The following CDH13 variants were observed in gnomAD, a reference collection of about 807,000 sequenced individuals.
The protein encoded by CDH13 is cadherin-13.
In CDH13, 24 loss-of-function variants were observed where a neutral mutation model predicts 63.8. That is an observed-to-expected ratio of 0.38 (90% CI 0.27 to 0.53). The LOEUF is 0.53. Ranked by LOEUF, CDH13 falls within the 20% of genes least tolerant of loss-of-function variation. The probability of loss-of-function intolerance (pLI) is 0.85; values close to 1 mark genes in which losing one functional copy is unlikely to be tolerated. For synonymous variants in CDH13, 503 were observed against 355.3 expected (o/e 1.42, Z -4.67); for missense variants, 1,049 against 903.1 (o/e 1.16, Z -2.07).
In CDH13 at chr16:83,324,132, G is replaced by C. The variant is rs553837617; in HGVS notation, c.637-20730G>C. On this transcript the variant is annotated intron_variant, in intron 5 of 13. Coordinates refer to ENST00000567109, the MANE Select transcript of CDH13 (RefSeq NM_001257.5). ...GGGTCACTGCAACCTCCACCTCCCA[G>C]GTTCAAGTAGTTCCTTGCCTCAGCC... Among the ~76,000 whole-genome samples, 194 of 151,160 alleles carry C rather than the reference G, an allele frequency of 1.3e-3. 1 individual carries two copies. Among genetic ancestry groups the C allele is most frequent in the Non-Finnish European group, 2.2e-3 (150 of 67,920 alleles).
At chr16:83,162,511 A>T (rs929703844) in intron 4 of CDH13, among the ~76,000 whole-genome samples, 1 of 152,184 alleles carries the variant, frequency 6.6e-6, no homozygotes, top group African/African-American at 2.4e-5. Context: ...TCTAGTGCTA[A>T]GCCTTAGTTT....
intron 5 of CDH13, among the ~76,000 whole-genome samples, chr16:83,260,448 T>G (rs7198542): frequency 0.33 from 49,900 of 151,156 alleles, 8,977 homozygotes; most frequent in East Asian, 0.43. Flanking sequence ...CAGTCAGTTC[T>G]GCGTGGCGCA....
At chr16:83,160,619 C>A (rs2037408369) in intron 4 of CDH13, among the ~76,000 whole-genome samples, 1 of 152,182 alleles carries the variant, frequency 6.6e-6, no homozygotes, top group African/African-American at 2.4e-5. Flanking sequence ...ATAACCACCA[C>A]TAATAATCCT....
At chr16:83,502,816 C>T (rs1298751286) in intron 7 of CDH13, among the ~76,000 whole-genome samples, 3 of 152,306 alleles carry the variant, frequency 2.0e-5, no homozygotes, top group Non-Finnish European at 2.9e-5. Context: ...TGAGATGACA[C>T]AGGAGTGTTC....
chr16:83,570,351 C>T (rs941764612), intron 7 of CDH13, among the ~76,000 whole-genome samples: 1 of 152,150 alleles, frequency 6.6e-6, no homozygotes, highest in Non-Finnish European at 1.5e-5. Context: ...CCTCTCACAC[C>T]TGGTCTCTGA....
chr16:82,630,916 G>A (rs1159525242), intron 1 of CDH13, among the ~76,000 whole-genome samples: 2 of 152,162 alleles, frequency 1.3e-5, no homozygotes, highest in Non-Finnish European at 1.5e-5. Context: ...TCCATCCACA[G>A]CATTACAAAA....
At chr16:83,194,948 A>G (rs935137810) in intron 4 of CDH13, among the ~76,000 whole-genome samples, 2 of 152,206 alleles carry the variant, frequency 1.3e-5, no homozygotes, top group African/African-American at 4.8e-5. Context: ...ACACCATGAA[A>G]TTTTAAAGCG....
intron 5 of CDH13, among the ~76,000 whole-genome samples, chr16:83,256,768 C>A (rs547430062): frequency 6.7e-6 from 1 of 149,118 alleles, no homozygotes; most frequent in East Asian, 2.0e-4. Flanking sequence ...TGGCATGAAC[C>A]CAGGAGGCGG....
chr16:83,577,399 C>A (rs533679589), intron 7 of CDH13, among the ~76,000 whole-genome samples: 2 of 152,326 alleles, frequency 1.3e-5, no homozygotes, highest in South Asian at 4.1e-4. Flanking sequence ...TTCTTGGTTC[C>A]CTCCCCAGCA....
chr16:82,890,957 C>G (rs1355385605), intron 2 of CDH13, among the ~76,000 whole-genome samples: 1 of 151,224 alleles, frequency 6.6e-6, no homozygotes, highest in Non-Finnish European at 1.5e-5. Context: ...TGGCCGGCAG[C>G]AATTCTTTTA....
intron 6 of CDH13, among the ~76,000 whole-genome samples, chr16:83,351,152 C>G (rs1285860247): frequency 1.3e-5 from 2 of 152,038 alleles, no homozygotes; most frequent in East Asian, 3.9e-4. Flanking sequence ...TGTGATGTGG[C>G]TTTTCAACCC....
chr16:83,794,909 T>C, intron 13 of CDH13, 114 bp from the exon 14 acceptor site: 1 of 919,598 alleles, frequency 1.1e-6, no homozygotes, highest in Non-Finnish European at 1.7e-6. Context: ...CATAGTCGTG[T>C]GATGTTTAAA....
intron 1 of CDH13, among the ~76,000 whole-genome samples, chr16:82,669,658 T>G (rs1913004305): frequency 3.3e-5 from 5 of 152,258 alleles, no homozygotes; most frequent in African/African-American, 1.2e-4. Context: ...ATTAAGATGC[T>G]GTTTCTTCTC....
At chr16:83,040,795 C>T (rs543808798) in intron 3 of CDH13, among the ~76,000 whole-genome samples, 2 of 152,292 alleles carry the variant, frequency 1.3e-5, no homozygotes, top group South Asian at 2.1e-4. Flanking sequence ...TTGGGACAGT[C>T]AGTGTCTCAC....
intron 2 of CDH13, among the ~76,000 whole-genome samples, chr16:82,940,749 C>T (rs927249756): frequency 1.1e-4 from 16 of 152,170 alleles, no homozygotes; most frequent in African/African-American, 3.9e-4. Context: ...GGCCCTATTC[C>T]TACTAATCAG....
At chr16:82,787,372 A>T (rs1471990324) in intron 1 of CDH13, among the ~76,000 whole-genome samples, 1 of 152,224 alleles carries the variant, frequency 6.6e-6, no homozygotes, top group African/African-American at 2.4e-5. Context: ...CTGGGGGGTA[A>T]ACAGAAAACT....
intron 3 of CDH13, among the ~76,000 whole-genome samples, chr16:83,119,836 G>A (rs577636095): frequency 6.6e-6 from 1 of 152,218 alleles, no homozygotes; most frequent in South Asian, 2.1e-4. Flanking sequence ...GCACAGACTC[G>A]ATCAAAGGTG....
intron 6 of CDH13, among the ~76,000 whole-genome samples, chr16:83,436,529 C>T: frequency 6.6e-6 from 1 of 152,036 alleles, no homozygotes; most frequent in East Asian, 1.9e-4. Context: ...TGTCTTCATG[C>T]CATGGACACC....
chr16:83,345,828 A>G (rs376586343), intron 6 of CDH13, among the ~76,000 whole-genome samples: 16 of 152,364 alleles, frequency 1.1e-4, no homozygotes, highest in East Asian at 7.7e-4. Context: ...TATCATATTA[A>G]GAGTATCATG....
Sources: gnomAD v4.1 joint callset for allele counts (sites outside exome capture counted in the v4.1 genomes callset) on GRCh38, gnomAD v4.1.1 for gene constraint, MANE v1.5 for transcripts, NCBI Gene and HGNC (gene_info 2026-07-23, HGNC 2026-07-21) for gene names.